COMMD10: variants seen among roughly 807,000 people sequenced by gnomAD.
COMMD10 encodes COMM domain-containing protein 10.
Under a neutral mutation model 28.9 loss-of-function variants are expected in COMMD10, and 33 were observed. The ratio of observed to expected loss-of-function variants is 1.14; its 90% CI spans 0.87 to 1.53. COMMD10 has a LOEUF of 1.53. Among genes scored for constraint, COMMD10 ranks in the 40% most tolerant of loss-of-function variants. The pLI, the probability that COMMD10 is intolerant of heterozygous loss-of-function variation, is 0.00. For synonymous variants in COMMD10, 110 were observed against 81.7 expected, an observed-to-expected ratio of 1.35 and a Z score of -1.87; for missense variants, 310 against 233.4, an observed-to-expected ratio of 1.33 and a Z score of -2.14.
At chr5:116,113,084 A>G (rs1050633744) in intron 4 of COMMD10, among the ~76,000 whole-genome samples, 1 of 152,188 alleles carries the variant, frequency 6.6e-6, no homozygotes, top group Non-Finnish European at 1.5e-5. Context: ...GCTTAATACT[A>G]CCTGGATATA....
In COMMD10 at chr5:116,201,490, T is replaced by A. The variant is rs145315709; in HGVS notation, c.510+67312T>A. Among the ~76,000 whole-genome samples the A allele has an allele frequency of 7.2e-3, 1,092 of 152,294 alleles. 17 individuals carry two copies. Among genetic ancestry groups the A allele is most frequent in the African/African-American group, 0.025 (1,047 of 41,570 alleles). ...TAGCTCCCATGGAGGTTTCTACTTC[T>A]GGGTTTCTACTCCAATAAGTTACAA... is the stretch of plus-strand genomic sequence containing the variant. On this transcript the variant is annotated intron_variant, in intron 5 of 6. Transcript: ENST00000274458.
chr5:116,085,852 CT>C (rs753475115), intron 1 of COMMD10, among the ~76,000 whole-genome samples: 25 of 152,204 alleles, frequency 1.6e-4, no homozygotes, highest in Non-Finnish European at 3.2e-4. Flanking sequence ...GGGTAGAAAT[CT>C]TTCAGAAGAA....
At chr5:116,089,024 C>G (rs1315725224) in intron 2 of COMMD10, among the ~76,000 whole-genome samples, 1 of 152,150 alleles carries the variant, frequency 6.6e-6, no homozygotes, top group Admixed American at 6.5e-5. Context: ...ACAAAACAAA[C>G]CTAAGTCTTC....
intron 5 of COMMD10, among the ~76,000 whole-genome samples, chr5:116,239,597 T>G: frequency 6.6e-6 from 1 of 152,148 alleles, no homozygotes; most frequent in East Asian, 1.9e-4. Context: ...AATGCCAACT[T>G]CCACGACATT....
intron 5 of COMMD10, among the ~76,000 whole-genome samples, chr5:116,229,615 A>G (rs1749477979): frequency 6.6e-6 from 1 of 152,062 alleles, no homozygotes; most frequent in Non-Finnish European, 1.5e-5. Flanking sequence ...TTTGCACTAA[A>G]GTAGTTTATC....
chr5:116,112,315 T>C (rs1448162675), intron 4 of COMMD10, among the ~76,000 whole-genome samples: 2 of 152,190 alleles, frequency 1.3e-5, no homozygotes, highest in Non-Finnish European at 2.9e-5. Context: ...ATAATATCAA[T>C]CAATATCTTT....
intron 4 of COMMD10, among the ~76,000 whole-genome samples, chr5:116,126,782 GT>G (rs1561617127): frequency 6.6e-6 from 1 of 152,170 alleles, no homozygotes; most frequent in Non-Finnish European, 1.5e-5. Context: ...ATTCAAGATA[GT>G]TTAAAGACTT....
intron 5 of COMMD10, among the ~76,000 whole-genome samples, chr5:116,139,982 C>G (rs1316558171): frequency 1.3e-5 from 2 of 151,666 alleles, no homozygotes; most frequent in African/African-American, 2.4e-5. Context: ...CATCAGATCT[C>G]CAGACTTATT....
At chr5:116,172,180 T>A (rs1382201662) in intron 5 of COMMD10, among the ~76,000 whole-genome samples, 1 of 152,124 alleles carries the variant, frequency 6.6e-6, no homozygotes, top group Non-Finnish European at 1.5e-5. Context: ...CATCCCATAT[T>A]GGCTTACCAG....
intron 5 of COMMD10, among the ~76,000 whole-genome samples, chr5:116,234,139 T>G (rs1749598827): frequency 6.6e-6 from 1 of 152,024 alleles, no homozygotes; most frequent in South Asian, 2.1e-4. Flanking sequence ...AGGGTTTGAG[T>G]GGACATCTGC....
At chr5:116,145,673 C>T (rs558028203) in intron 5 of COMMD10, among the ~76,000 whole-genome samples, 76 of 151,960 alleles carry the variant, frequency 5.0e-4, no homozygotes, top group Non-Finnish European at 8.4e-4. Flanking sequence ...CCACAATCCC[C>T]ACGTGTCAAG....
chr5:116,214,450 C>T (rs913921122), intron 5 of COMMD10, among the ~76,000 whole-genome samples: 1 of 152,054 alleles, frequency 6.6e-6, no homozygotes, highest in East Asian at 1.9e-4. Context: ...ATAGAATAAA[C>T]AGTCATTCAT....
chr5:116,150,138 G>C (rs185384327), intron 5 of COMMD10, among the ~76,000 whole-genome samples: 24 of 152,102 alleles, frequency 1.6e-4, no homozygotes, highest in Admixed American at 9.2e-4. Flanking sequence ...TCTTGTTTTT[G>C]TCAGGTTTGT....
chr5:116,192,442 A>G (rs1344549870), intron 5 of COMMD10, among the ~76,000 whole-genome samples: 4 of 152,240 alleles, frequency 2.6e-5, no homozygotes, highest in African/African-American at 9.6e-5. Context: ...GAAGGGGGAA[A>G]TATTCAAGGA....
intron 5 of COMMD10, among the ~76,000 whole-genome samples, chr5:116,233,405 G>A (rs1749577630): frequency 6.6e-6 from 1 of 152,112 alleles, no homozygotes; most frequent in Admixed American, 6.6e-5. Flanking sequence ...TCCTTTGGAG[G>A]ACTTGAAATA....
In COMMD10 at chr5:116,119,130, A is replaced by G. The variant is rs1196922794; in HGVS notation, c.400-14938A>G. ...GTGACAAACAATTTGAAAAAAAAAT[A>G]CATTGATGATTTCCCTCACTTCCCT... On this transcript the variant is annotated intron_variant, in intron 4 of 6. Transcript: ENST00000274458. Among the ~76,000 whole-genome samples the G allele has an allele frequency of 6.6e-5, 10 of 152,248 alleles. No homozygotes were observed. In the South Asian group the frequency reaches 1.7e-3, roughly 25 times the overall value.
intron 5 of COMMD10, among the ~76,000 whole-genome samples, chr5:116,186,035 G>A (rs914420569): frequency 2.6e-5 from 4 of 152,022 alleles, no homozygotes; most frequent in African/African-American, 9.7e-5. Context: ...GTCTGGGTTC[G>A]ACCCCTTTTA....
At chr5:116,242,654 A>C (rs753081827) in intron 5 of COMMD10, among the ~76,000 whole-genome samples, 2 of 152,142 alleles carry the variant, frequency 1.3e-5, no homozygotes, top group Non-Finnish European at 2.9e-5. Context: ...GGAGTGCAGA[A>C]AGAGGTATAT....
intron 4 of COMMD10, among the ~76,000 whole-genome samples, chr5:116,113,189 AG>A (rs763466911): frequency 2.4e-4 from 37 of 151,964 alleles, no homozygotes; most frequent in Non-Finnish European, 3.8e-4. Context: ...GTCTGCTGTT[AG>A]TTTGATGGAC....
Sources: allele counts gnomAD v4.1 joint callset (sites outside exome capture counted in the v4.1 genomes callset), GRCh38; gene constraint gnomAD v4.1.1; transcripts MANE v1.5; gene names NCBI Gene and HGNC (gene_info 2026-07-23, HGNC 2026-07-21).